The following CHSY3 variants were observed in gnomAD, a reference collection of about 807,000 sequenced individuals.
The protein encoded by CHSY3 is chondroitin sulfate synthase 3.
CHSY3 carries 35 observed loss-of-function variants against 67.2 expected under a neutral mutation model. The observed-to-expected ratio is 0.52, with a 90% CI of 0.40 to 0.69. The LOEUF (loss-of-function observed/expected upper bound fraction) is 0.69, where lower values mean the gene tolerates loss of function less well. Among genes scored for constraint, CHSY3 ranks in the 30% least tolerant of loss-of-function variants. The pLI, the probability that CHSY3 is intolerant of heterozygous loss-of-function variation, is 0.00. For missense variants in CHSY3, 1,069 were observed against 1,138.5 expected (o/e 0.94, Z 0.88); for synonymous variants, 474 against 434.7 (o/e 1.09, Z -1.12).
intron 2 of CHSY3, among the ~76,000 whole-genome samples, chr5:130,010,613 A>G (rs1764027580): frequency 6.6e-6 from 1 of 152,232 alleles, no homozygotes; most frequent in Admixed American, 6.5e-5. Context: ...CAAAGCTGGC[A>G]GAAGAAAATA....
At chr5:130,012,566 A>C (rs532816439) in intron 2 of CHSY3, among the ~76,000 whole-genome samples, 1 of 152,318 alleles carries the variant, frequency 6.6e-6, no homozygotes, top group East Asian at 1.9e-4. Flanking sequence ...ACCTCTTCAC[A>C]GGGCAGCATG....
chr5:129,906,528 C>CT (rs1016359572), intron 1 of CHSY3, among the ~76,000 whole-genome samples: 4 of 152,136 alleles, frequency 2.6e-5, no homozygotes, highest in African/African-American at 9.7e-5. Context: ...CAAGAAAAAA[C>CT]TTTTTTTGTC....
intron 2 of CHSY3, among the ~76,000 whole-genome samples, chr5:129,962,078 T>A (rs1305518738): frequency 2.0e-5 from 3 of 152,012 alleles, no homozygotes; most frequent in Non-Finnish European, 2.9e-5. Context: ...TTTTGTTTCC[T>A]GTATCCCCAA....
chr5:129,912,314 C>T (rs114810280), intron 2 of CHSY3, among the ~76,000 whole-genome samples: 1,543 of 152,192 alleles, frequency 0.01, 24 homozygotes, highest in African/African-American at 0.035. Context: ...ACAATGGCCC[C>T]CTTTTTTGAA....
chr5:130,081,653 GATA>G (rs1304933748), intron 2 of CHSY3, among the ~76,000 whole-genome samples: 6 of 151,978 alleles, frequency 3.9e-5, no homozygotes, highest in African/African-American at 1.4e-4. Context: ...CTGTTCTCAT[GATA>G]ATAAGTCTCA....
At chr5:130,113,150 GAC>G (rs1767642777) in intron 2 of CHSY3, among the ~76,000 whole-genome samples, 2 of 151,942 alleles carry the variant, frequency 1.3e-5, no homozygotes, top group African/African-American at 4.8e-5. Context: ...ATGTATCTGA[GAC>G]AAATAATTTC....
At chr5:130,179,083 T>C (rs1004511365) in intron 2 of CHSY3, among the ~76,000 whole-genome samples, 1 of 152,226 alleles carries the variant, frequency 6.6e-6, no homozygotes, top group African/African-American at 2.4e-5. Flanking sequence ...CCTTTAAAGA[T>C]TCACTTTATT....
intron 2 of CHSY3, among the ~76,000 whole-genome samples, chr5:129,966,296 A>G (rs919312654): frequency 2.6e-5 from 4 of 151,834 alleles, no homozygotes; most frequent in African/African-American, 9.7e-5. Flanking sequence ...AGTGATTGGC[A>G]AGTGAAAATA....
At chr5:130,127,923 A>C (rs2149712276) in intron 2 of CHSY3, among the ~76,000 whole-genome samples, 1 of 152,314 alleles carries the variant, frequency 6.6e-6, no homozygotes, top group African/African-American at 2.4e-5. Flanking sequence ...GCACCTTATC[A>C]ACCAAGTAAG....
intron 2 of CHSY3, among the ~76,000 whole-genome samples, chr5:130,111,414 C>G (rs62393175): frequency 0.054 from 8,263 of 152,126 alleles, 328 homozygotes; most frequent in Non-Finnish European, 0.077. Context: ...TCCTCAGATT[C>G]ATTAAAATCT....
intron 2 of CHSY3, among the ~76,000 whole-genome samples, chr5:130,136,839 A>G (rs1174666180): frequency 2.0e-5 from 3 of 152,300 alleles, no homozygotes; most frequent in Non-Finnish European, 4.4e-5. Flanking sequence ...AATAAATGTT[A>G]TTGAATTCAC....
At chr5:130,172,034 T>C (rs1341638330) in intron 2 of CHSY3, among the ~76,000 whole-genome samples, 3 of 152,304 alleles carry the variant, frequency 2.0e-5, no homozygotes, top group Middle Eastern at 3.4e-3. Flanking sequence ...GTTTTTCTTA[T>C]GTCACTTCTC....
intron 2 of CHSY3, among the ~76,000 whole-genome samples, chr5:129,990,377 A>AGTGT (rs34958818): frequency 0.32 from 47,541 of 147,324 alleles, 7,549 homozygotes; most frequent in South Asian, 0.42. Flanking sequence ...TGAGTGAGTG[A>AGTGT]GTGTGTGTGT....
At chr5:129,915,078 T>G (rs1314011242) in intron 2 of CHSY3, among the ~76,000 whole-genome samples, 3 of 152,210 alleles carry the variant, frequency 2.0e-5, no homozygotes, top group Non-Finnish European at 4.4e-5. Flanking sequence ...TTCTATTTAG[T>G]GAATTATGCT....
intron 2 of CHSY3, among the ~76,000 whole-genome samples, chr5:130,149,744 G>A (rs1769179267): frequency 1.3e-5 from 2 of 152,184 alleles, no homozygotes; most frequent in Non-Finnish European, 2.9e-5. Context: ...GGTATAACAA[G>A]GGTCAGCTAC....
At chr5:130,024,658 CT>C (rs1206038691) in intron 2 of CHSY3, among the ~76,000 whole-genome samples, 1 of 151,970 alleles carries the variant, frequency 6.6e-6, no homozygotes, top group Non-Finnish European at 1.5e-5. Context: ...CTTCTGCGTG[CT>C]TAGAGAAGTG....
intron 2 of CHSY3, among the ~76,000 whole-genome samples, chr5:130,046,305 G>A (rs1450935509): frequency 6.6e-6 from 1 of 152,062 alleles, no homozygotes; most frequent in African/African-American, 2.4e-5. Context: ...CAAATACTAT[G>A]TCTGTTATAC....
chr5:130,134,511 A>G (rs1490716184), intron 2 of CHSY3, among the ~76,000 whole-genome samples: 2 of 152,196 alleles, frequency 1.3e-5, no homozygotes, highest in African/African-American at 4.8e-5. Flanking sequence ...TTCCATATGC[A>G]TATGTTGAAC....
intron 2 of CHSY3, among the ~76,000 whole-genome samples, chr5:129,938,393 C>T (rs964496827): frequency 1.3e-5 from 2 of 152,244 alleles, no homozygotes; most frequent in Non-Finnish European, 2.9e-5. Flanking sequence ...CAAATTTCTA[C>T]ATCCAACTTG....
Sources: gnomAD v4.1 joint callset for allele counts (sites outside exome capture counted in the v4.1 genomes callset) on GRCh38, gnomAD v4.1.1 for gene constraint, MANE v1.5 for transcripts, NCBI Gene and HGNC (gene_info 2026-07-23, HGNC 2026-07-21) for gene names.